SYCP1: variants seen among roughly 807,000 people sequenced by gnomAD.
The protein encoded by SYCP1 is cancer/testis antigen 8.
Under a neutral mutation model 153.1 loss-of-function variants are expected in SYCP1, and 64 were observed. That is an observed-to-expected ratio of 0.42 (90% CI 0.34 to 0.51). The LOEUF (loss-of-function observed/expected upper bound fraction) is 0.51, where lower values mean the gene tolerates loss of function less well. Among genes scored for constraint, SYCP1 ranks in the 20% least tolerant of loss-of-function variants. SYCP1 has a pLI of 0.06. For synonymous variants in SYCP1, 384 were observed against 341.8 expected (o/e 1.12, Z -1.36); for missense variants, 997 against 1,049.0 (o/e 0.95, Z 0.68).
At chr1:114,961,466 G>A (rs941516823) in intron 27 of SYCP1, among the ~76,000 whole-genome samples, 3 of 152,152 alleles carry the variant, frequency 2.0e-5, no homozygotes, top group African/African-American at 7.2e-5. Flanking sequence ...ACTTTTTGAT[G>A]TAGGCATTTA....
intron 3 of SYCP1, 43 bp downstream of exon 3, chr1:114,856,700 T>TG (rs769985563): frequency 7.3e-7 from 1 of 1,375,296 alleles, no homozygotes; most frequent in South Asian, 1.3e-5. Flanking sequence ...TATAGAAACA[T>TG]TGTGTTACAT....
Position 114,991,219 on chromosome 1 carries a change from T to G in SYCP1, c.2704-3479T>G, listed in dbSNP as rs1673900011. 9.2e-5 allele frequency among the ~76,000 whole-genome samples: 14 copies of G among 152,082 alleles called. No individual in the cohort carries two copies. In the South Asian group the frequency reaches 2.9e-3, roughly 32 times the overall value. On this transcript the variant is annotated intron_variant, in intron 30 of 31. Coordinates refer to ENST00000369522, the MANE Select transcript of SYCP1 (RefSeq NM_003176.4). The stretch of plus-strand genomic sequence containing the variant: ...TCTCAGAATAAAAATTTGACATATA[T>G]GTTAAGACCTTAAAAATAATTAACA...
chr1:114,980,147 C>T (rs576238427), intron 28 of SYCP1, among the ~76,000 whole-genome samples: 1 of 151,958 alleles, frequency 6.6e-6, no homozygotes, highest in African/African-American at 2.4e-5. Flanking sequence ...TTGAGTTTCA[C>T]AGCTAACTAG....
At chr1:114,946,929 A>T (rs1670746493) in intron 26 of SYCP1, among the ~76,000 whole-genome samples, 1 of 152,090 alleles carries the variant, frequency 6.6e-6, no homozygotes, top group East Asian at 1.9e-4. Flanking sequence ...TATTTTTAGT[A>T]GAGACGGGGT....
chr1:114,930,312 A>T (rs2101756278), intron 23 of SYCP1, among the ~76,000 whole-genome samples: 1 of 152,124 alleles, frequency 6.6e-6, no homozygotes, highest in African/African-American at 2.4e-5. Context: ...AGACAAAAGG[A>T]AATAATTAGA....
chr1:114,926,618 A>G (rs1669267330), intron 23 of SYCP1, 55 bp downstream of exon 23: 48 of 1,414,596 alleles, frequency 3.4e-5, no homozygotes, highest in Non-Finnish European at 4.6e-5. Context: ...ATGAGAATTT[A>G]GACATTTTAT....
At chr1:114,975,772 G>A (rs1672761649) in intron 27 of SYCP1, among the ~76,000 whole-genome samples, 1 of 151,540 alleles carries the variant, frequency 6.6e-6, no homozygotes, top group Non-Finnish European at 1.5e-5. Flanking sequence ...TAATTTGATG[G>A]GGCCTTAATC....
intron 23 of SYCP1, among the ~76,000 whole-genome samples, chr1:114,929,926 T>C (rs1669517238): frequency 6.6e-6 from 1 of 152,018 alleles, no homozygotes; most frequent in Non-Finnish European, 1.5e-5. Context: ...TTTACCAAAA[T>C]AGACTACATG....
chr1:114,916,119 A>G (rs975432947), intron 20 of SYCP1, among the ~76,000 whole-genome samples: 4 of 152,172 alleles, frequency 2.6e-5, no homozygotes, highest in African/African-American at 9.7e-5. Flanking sequence ...GCTTATAATC[A>G]TACATATATA....
At chr1:114,984,984 T>G in intron 30 of SYCP1, 116 bp downstream of exon 30, 2 of 432,672 alleles carry the variant, frequency 4.6e-6, no homozygotes, top group Non-Finnish European at 7.2e-6. Flanking sequence ...AATACTGATA[T>G]ACAGTGGAGC....
chr1:114,930,904 G>C (rs367688479), intron 23 of SYCP1, among the ~76,000 whole-genome samples: 1 of 151,820 alleles, frequency 6.6e-6, no homozygotes, highest in South Asian at 2.1e-4. Context: ...TTTAATACAT[G>C]ATAAAAACCA....
chr1:114,962,602 G>C (rs933179808), intron 27 of SYCP1, among the ~76,000 whole-genome samples: 1 of 152,068 alleles, frequency 6.6e-6, no homozygotes, highest in African/African-American at 2.4e-5. Context: ...ACTTGGGTTG[G>C]TGAATTCTTA....
intron 27 of SYCP1, among the ~76,000 whole-genome samples, chr1:114,962,767 T>C (rs1274138653): frequency 6.6e-6 from 1 of 152,206 alleles, no homozygotes; most frequent in Non-Finnish European, 1.5e-5. Flanking sequence ...ATAGGCTTTG[T>C]AAGATTTATG....
At chr1:114,949,312 G>A (rs899656912) in intron 27 of SYCP1, among the ~76,000 whole-genome samples, 1 of 152,198 alleles carries the variant, frequency 6.6e-6, no homozygotes, top group Non-Finnish European at 1.5e-5. Flanking sequence ...GTTGGAGTCT[G>A]TCTTGTCTTC....
chr1:114,912,491 T>G (rs1668246769), intron 18 of SYCP1, among the ~76,000 whole-genome samples: 1 of 151,958 alleles, frequency 6.6e-6, no homozygotes. Context: ...TAATCTCTCT[T>G]CCAAAGTAGA....
intron 1 of SYCP1, 26 bp from the exon 2 acceptor site, chr1:114,855,414 TC>T: frequency 7.3e-7 from 1 of 1,361,010 alleles, no homozygotes; most frequent in Non-Finnish European, 9.7e-7. Context: ...AAACTTTCCT[TC>T]CCCTCCCGCC....
At chr1:114,947,365 G>A (rs755161732) in intron 27 of SYCP1, 45 bp downstream of exon 27, 1 of 1,378,606 alleles carries the variant, frequency 7.3e-7, no homozygotes. Flanking sequence ...AAGGTTTAGG[G>A]GCAACTTTGC....
chr1:114,954,567 ATTTATTTATTTATTT>A (rs1039895842), intron 27 of SYCP1, among the ~76,000 whole-genome samples: 2 of 150,080 alleles, frequency 1.3e-5, no homozygotes, highest in African/African-American at 4.9e-5. Flanking sequence ...TTATTTATTT[ATTTATTTATTTATTT>A]TTTATTTATT....
chr1:114,969,650 G>T (rs533026088), intron 27 of SYCP1, among the ~76,000 whole-genome samples: 1 of 152,114 alleles, frequency 6.6e-6, no homozygotes, highest in Non-Finnish European at 1.5e-5. Context: ...CCAGGGGAGC[G>T]AACAGTTCTG....
Sources: gnomAD v4.1 joint callset for allele counts (sites outside exome capture counted in the v4.1 genomes callset) on GRCh38, gnomAD v4.1.1 for gene constraint, MANE v1.5 for transcripts, NCBI Gene and HGNC (gene_info 2026-07-23, HGNC 2026-07-21) for gene names.